The following MFHAS1 variants were observed in gnomAD, a reference collection of about 807,000 sequenced individuals.
MFHAS1 encodes malignant fibrous histiocytoma-amplified sequence 1.
Under a neutral mutation model 70.4 loss-of-function variants are expected in MFHAS1, and 50 were observed. That is an observed-to-expected ratio of 0.71 (90% CI 0.57 to 0.90). The LOEUF (loss-of-function observed/expected upper bound fraction) is 0.90, where lower values mean the gene tolerates loss of function less well. Ranked by LOEUF, MFHAS1 falls within the 40% of genes least tolerant of loss-of-function variation. MFHAS1 has a pLI of 0.00. For synonymous variants in MFHAS1, 952 were observed against 620.0 expected (o/e 1.54, Z -7.96); for missense variants, 1,795 against 1,347.6 (o/e 1.33, Z -5.20).
chr8:8,786,082 C>G, intron 2 of MFHAS1, 27 bp from the exon 3 acceptor site: 2 of 1,608,862 alleles, frequency 1.2e-6, no homozygotes, highest in Non-Finnish European at 1.7e-6. Context: ...CAAGAAAGCA[C>G]AGAGATGACA....
intron 1 of MFHAS1, among the ~76,000 whole-genome samples, chr8:8,804,361 G>A (rs191679253): frequency 6.6e-6 from 1 of 152,244 alleles, no homozygotes; most frequent in African/African-American, 2.4e-5. Flanking sequence ...CTCAAGTCCG[G>A]TTTTGATATT....
At chr8:8,816,761 A>G (rs997939280) in intron 1 of MFHAS1, among the ~76,000 whole-genome samples, 2 of 152,216 alleles carry the variant, frequency 1.3e-5, no homozygotes, top group African/African-American at 4.8e-5. Context: ...GTAGTTAAAC[A>G]TAGTTGATGG....
intron 1 of MFHAS1, among the ~76,000 whole-genome samples, chr8:8,884,954 A>AC (rs199888096): frequency 6.9e-6 from 1 of 145,344 alleles, no homozygotes; most frequent in African/African-American, 2.5e-5. Context: ...CCCTGCCCCC[A>AC]CCCCCCCAAA....
At chr8:8,878,721 G>T (rs80235335) in intron 1 of MFHAS1, among the ~76,000 whole-genome samples, 1 of 151,728 alleles carries the variant, frequency 6.6e-6, no homozygotes, top group African/African-American at 2.4e-5. Context: ...TGAGGAGGAA[G>T]GGAGGGAGGC....
At chr8:8,796,825 C>G (rs13279018) in intron 2 of MFHAS1, among the ~76,000 whole-genome samples, 1 of 151,376 alleles carries the variant, frequency 6.6e-6, no homozygotes, top group South Asian at 2.1e-4. Flanking sequence ...GAAACCCTGT[C>G]TCTACTAAAA....
intron 1 of MFHAS1, among the ~76,000 whole-genome samples, chr8:8,854,946 A>G (rs186021835): frequency 2.6e-5 from 4 of 152,036 alleles, no homozygotes; most frequent in African/African-American, 7.2e-5. Flanking sequence ...ATCTCACTCT[A>G]TACCCCACGC....
intron 1 of MFHAS1, among the ~76,000 whole-genome samples, chr8:8,829,853 T>TG (rs2117320854): frequency 6.6e-6 from 1 of 152,252 alleles, no homozygotes; most frequent in African/African-American, 2.4e-5. Flanking sequence ...TGTCCACAAA[T>TG]GGAACAGATT....
intron 1 of MFHAS1, among the ~76,000 whole-genome samples, chr8:8,841,737 G>C (rs7831406): frequency 6.6e-6 from 1 of 152,158 alleles, no homozygotes; most frequent in East Asian, 1.9e-4. Flanking sequence ...GCTCCACGAA[G>C]CCTTCCAGAC....
At chr8:8,812,667 T>A (rs7823757) in intron 1 of MFHAS1, among the ~76,000 whole-genome samples, 68,194 of 152,104 alleles carry the variant, frequency 0.45, 16,528 homozygotes, top group East Asian at 0.78. Context: ...AGGGGTAATG[T>A]GGCTACAGGC....
chr8:8,810,636 G>A (rs935725629), intron 1 of MFHAS1, among the ~76,000 whole-genome samples: 1 of 152,296 alleles, frequency 6.6e-6, no homozygotes, highest in Non-Finnish European at 1.5e-5. Flanking sequence ...TTTATCGTAA[G>A]AGCACAGTAT....
intron 1 of MFHAS1, among the ~76,000 whole-genome samples, chr8:8,866,811 C>T (rs531875773): frequency 6.6e-6 from 1 of 152,228 alleles, no homozygotes; most frequent in East Asian, 1.9e-4. Context: ...ATCCTGTGAA[C>T]CAGTCTAACA....
chr8:8,833,287 C>A (rs1324251866), intron 1 of MFHAS1, among the ~76,000 whole-genome samples: 5 of 152,170 alleles, frequency 3.3e-5, no homozygotes, highest in African/African-American at 9.7e-5. Flanking sequence ...CAAATCATAT[C>A]AGAATGTAAT....
intron 1 of MFHAS1, among the ~76,000 whole-genome samples, chr8:8,881,803 A>T (rs1472458376): frequency 1.3e-5 from 2 of 150,460 alleles, no homozygotes; most frequent in Non-Finnish European, 3.0e-5. Flanking sequence ...GTGACAGAGT[A>T]AGACTCCGTC....
chr8:8,815,058 T>G (rs981704464), intron 1 of MFHAS1, among the ~76,000 whole-genome samples: 5 of 152,056 alleles, frequency 3.3e-5, no homozygotes, highest in African/African-American at 1.2e-4. Flanking sequence ...GTTGTTTCCC[T>G]CCCTGTGTCC....
At position 8,890,857 on chromosome 8, in the gene MFHAS1, G is replaced by A. The variant is rs750503759; in HGVS notation, c.2202C>T (p.Ile734=). 4.3e-6 allele frequency: 7 copies of A among 1,614,158 alleles called. No homozygotes were observed. In the East Asian group the frequency reaches 6.7e-5, roughly 15 times the overall value. ...TCTGGAAGAAGACATTGAGGATGTC[G>A]ATGAGGCGGGTGAGGTTGTGGAAGA... ...EHVFHNLTRL[I]DILNVFFQRD... is the part of the protein sequence containing the mutation. Residue 734 remains isoleucine (I), a synonymous_variant, in exon 1 of 3, where the codon ATC becomes ATT. Transcript: ENST00000276282.
intron 1 of MFHAS1, among the ~76,000 whole-genome samples, chr8:8,809,729 G>C (rs764890726): frequency 6.6e-6 from 1 of 152,164 alleles, no homozygotes; most frequent in African/African-American, 2.4e-5. Flanking sequence ...GGAGGGGGAG[G>C]AGCAGAGCAC....
At chr8:8,832,627 CTT>C in intron 1 of MFHAS1, among the ~76,000 whole-genome samples, 1 of 121,912 alleles carries the variant, frequency 8.2e-6, no homozygotes, top group African/African-American at 3.0e-5. Context: ...GAATTTTTTT[CTT>C]TTTTTTTTTT....
At chr8:8,867,640 C>G (rs1433746627) in intron 1 of MFHAS1, among the ~76,000 whole-genome samples, 2 of 151,800 alleles carry the variant, frequency 1.3e-5, no homozygotes, top group African/African-American at 4.8e-5. Flanking sequence ...TCACCAAAAG[C>G]TCCGCCTCCC....
At chr8:8,808,506 G>C (rs1013477621) in intron 1 of MFHAS1, among the ~76,000 whole-genome samples, 1 of 152,190 alleles carries the variant, frequency 6.6e-6, no homozygotes, top group African/African-American at 2.4e-5. Flanking sequence ...CCAAAGAGAA[G>C]CTGTTAAGTG....
Sources: gnomAD v4.1 joint callset for allele counts (sites outside exome capture counted in the v4.1 genomes callset) on GRCh38, gnomAD v4.1.1 for gene constraint, MANE v1.5 for transcripts, NCBI Gene and HGNC (gene_info 2026-07-23, HGNC 2026-07-21) for gene names.